Variants in SCAPER observed in about 807,000 individuals in gnomAD.
The protein encoded by SCAPER is S phase cyclin A-associated protein in the endoplasmic reticulum.
In SCAPER, 98 loss-of-function variants were observed where a neutral mutation model predicts 182.2. The observed-to-expected ratio is 0.54, with a 90% CI of 0.46 to 0.64. SCAPER has a LOEUF of 0.64. Among genes scored for constraint, SCAPER ranks in the 30% least tolerant of loss-of-function variants. SCAPER has a pLI of 0.00. For missense variants in SCAPER, 1,432 were observed against 1,690.0 expected, an observed-to-expected ratio of 0.85 and a Z score of 2.68; for synonymous variants, 605 against 564.6, an observed-to-expected ratio of 1.07 and a Z score of -1.01.
intron 1 of SCAPER, among the ~76,000 whole-genome samples, chr15:76,890,122 G>C (rs1405018911): frequency 6.6e-6 from 1 of 152,148 alleles, no homozygotes; most frequent in Non-Finnish European, 1.5e-5. Flanking sequence ...AAATCAATGA[G>C]AACAAAGACA....
rs773222733 is a variant in SCAPER, at chr15:76,804,592, T to A, written c.435A>T (p.Lys145Asn). ...MMLDNYVRDF[K>N]ALIDWIQLQE... is the part of the protein sequence containing the mutation. ...GAAGCTGAATCCAGTCAATCAATGCTTTGAAATCTCTTACATAGTTATCCA... is the reference window on the plus strand; with the variant it reads ...GAAGCTGAATCCAGTCAATCAATGCATTGAAATCTCTTACATAGTTATCCA... The change falls in exon 6 of 32, where the codon AAA (lysine) becomes AAT (asparagine). Residue 145 changes from lysine (K) to asparagine (N), a missense_variant. By Grantham distance (94) the Lys-to-Asn change is moderately conservative. Around this residue, in one of 5 missense-constraint regions of SCAPER, gnomAD observed 480 missense variants for 510.2 expected, o/e 0.94. Transcript: ENST00000563290. The A allele has an allele frequency of 4.3e-6, 7 of 1,611,654 alleles. No individual in the cohort carries two copies. In the African/African-American group the frequency reaches 9.3e-5, roughly 22 times the overall value.
At position 76,442,672 on chromosome 15, in the gene SCAPER, T is replaced by G. The variant is rs1346577758; in HGVS notation, c.3079-8362A>C. 2.0e-5 allele frequency among the ~76,000 whole-genome samples: 3 copies of G among 152,224 alleles called. No individual in the cohort carries two copies. The East Asian group carries it at 5.8e-4, about 29-fold the overall frequency. ...AGCTACCCTCCAGTATATCTATTAT[T>G]ATGCCTATTATGCAAATGAGAAAAC... On this transcript the variant is annotated intron_variant, in intron 25 of 31. Coordinates refer to ENST00000563290, the MANE Select transcript of SCAPER (RefSeq NM_020843.4).
chr15:76,735,203 GATAGAT>G (rs1256955914), intron 15 of SCAPER, among the ~76,000 whole-genome samples: 1 of 151,730 alleles, frequency 6.6e-6, no homozygotes, highest in African/African-American at 2.4e-5. Flanking sequence ...TATACAGATA[GATAGAT>G]ATAGATATAT....
In SCAPER at chr15:76,713,522, C is replaced by T. The variant is rs551979342; in HGVS notation, c.2166-7538G>A. Reference sequence around the variant, plus strand: ...GAAATCATCATTCTCAGCAAACTATCGCAAGGACAAAAAACCAAACACCGC... The same window carrying T: ...GAAATCATCATTCTCAGCAAACTATTGCAAGGACAAAAAACCAAACACCGC... On this transcript the variant is annotated intron_variant, in intron 17 of 31. Transcript: ENST00000563290. 6.9e-4 allele frequency among the ~76,000 whole-genome samples: 105 copies of T among 151,952 alleles called. 3 individuals carry two copies. The East Asian group carries it at 0.018, about 26-fold the overall frequency.
At chr15:76,475,333 AT>A (rs71143329) in intron 24 of SCAPER, among the ~76,000 whole-genome samples, 32 of 149,236 alleles carry the variant, frequency 2.1e-4, no homozygotes, top group African/African-American at 6.9e-4. Context: ...CTAGCCTTTA[AT>A]TTTTTTTTTT....
chr15:76,643,389 G>T (rs1292205901), intron 21 of SCAPER, among the ~76,000 whole-genome samples: 1 of 152,102 alleles, frequency 6.6e-6, no homozygotes, highest in East Asian at 1.9e-4. Flanking sequence ...TCTTTAGAAA[G>T]TCATCATTCT....
At chr15:76,849,690 C>T (rs954321464) in intron 4 of SCAPER, among the ~76,000 whole-genome samples, 6 of 152,236 alleles carry the variant, frequency 3.9e-5, no homozygotes, top group African/African-American at 1.2e-4. Flanking sequence ...GATCAATACA[C>T]TTAAGCACCA....
At chr15:76,490,475 T>C (rs1364271061) in intron 24 of SCAPER, among the ~76,000 whole-genome samples, 1 of 152,190 alleles carries the variant, frequency 6.6e-6, no homozygotes, top group Non-Finnish European at 1.5e-5. Context: ...TTTAAGTCCT[T>C]TGTCCATTTT....
At chr15:76,847,678 T>C (rs1034374083) in intron 4 of SCAPER, among the ~76,000 whole-genome samples, 1 of 152,166 alleles carries the variant, frequency 6.6e-6, no homozygotes, top group Non-Finnish European at 1.5e-5. Context: ...CTCAGCACTT[T>C]GGGGGACCAA....
chr15:76,597,491 G>A lies in SCAPER; in HGVS notation c.2712-23207C>T, dbSNP rs1314068512. ...ATGGAACCAAAAAAGAGCCTGTACA[G>A]CCAAGAGAATCCTAAGCAAAAAGAA... On this transcript the variant is annotated intron_variant, in intron 22 of 31. Coordinates refer to ENST00000563290, the MANE Select transcript of SCAPER (RefSeq NM_020843.4). Among the ~76,000 whole-genome samples the A allele has an allele frequency of 3.3e-5, 4 of 121,292 alleles. 1 individual carries two copies. Among genetic ancestry groups the A allele is most frequent in the Non-Finnish European group, 6.0e-5 (3 of 49,920 alleles). 79.6% of individuals were successfully genotyped at this position (121,292 alleles called of 152,430 possible).
intron 5 of SCAPER, among the ~76,000 whole-genome samples, chr15:76,813,227 TAAAAAAAAA>T (rs746891532): frequency 1.7e-4 from 3 of 17,284 alleles, no homozygotes; most frequent in Admixed American, 6.9e-4. Flanking sequence ...ATCCTTTCAC[TAAAAAAAAA>T]AAAAAAAAAA....
intron 22 of SCAPER, among the ~76,000 whole-genome samples, chr15:76,589,856 T>C (rs1408981358): frequency 1.3e-5 from 2 of 152,194 alleles, no homozygotes; most frequent in Non-Finnish European, 2.9e-5. Context: ...CCACAGGGTT[T>C]CTGCCGTGGC....
intron 4 of SCAPER, among the ~76,000 whole-genome samples, chr15:76,853,909 T>C (rs1183153060): frequency 6.6e-6 from 1 of 152,226 alleles, no homozygotes; most frequent in Non-Finnish European, 1.5e-5. Flanking sequence ...TCTATGTATC[T>C]AGAAAACCCA....
chr15:76,842,243 A>G (rs2069551316), intron 4 of SCAPER, among the ~76,000 whole-genome samples: 1 of 152,168 alleles, frequency 6.6e-6, no homozygotes, highest in Admixed American at 6.5e-5. Context: ...AAACATTCTG[A>G]TATCCATGGG....
chr15:76,431,362 A>G (rs2046845790), intron 26 of SCAPER, among the ~76,000 whole-genome samples: 1 of 152,164 alleles, frequency 6.6e-6, no homozygotes, highest in Non-Finnish European at 1.5e-5. Flanking sequence ...AAATATTTCC[A>G]AGAATGGCTT....
intron 24 of SCAPER, among the ~76,000 whole-genome samples, chr15:76,481,027 G>A (rs866157550): frequency 6.6e-6 from 1 of 152,156 alleles, no homozygotes; most frequent in East Asian, 1.9e-4. Flanking sequence ...CACCGCGCCC[G>A]GCCCACTATT....
At chr15:76,593,825 C>A (rs1374338099) in intron 22 of SCAPER, among the ~76,000 whole-genome samples, 2 of 120,996 alleles carry the variant, frequency 1.7e-5, no homozygotes, top group African/African-American at 5.0e-5. Context: ...CGAAGGTCAC[C>A]AACATCAAAG....
intron 5 of SCAPER, 103 bp from the exon 6 acceptor site, chr15:76,804,736 T>C (rs966869317): frequency 2.8e-5 from 17 of 605,292 alleles, no homozygotes; most frequent in African/African-American, 1.9e-4. Context: ...TTTTACATTA[T>C]ACTCTTCAAT....
chr15:76,838,751 T>C (rs963764869), intron 5 of SCAPER, among the ~76,000 whole-genome samples: 1 of 152,140 alleles, frequency 6.6e-6, no homozygotes, highest in Admixed American at 6.5e-5. Flanking sequence ...CCCAGCATGT[T>C]TTCCCCCAAA....
Sources: gnomAD v4.1 joint callset for allele counts (sites outside exome capture counted in the v4.1 genomes callset) on GRCh38, gnomAD v4.1.1 for gene constraint, gnomAD v4.1.1 regional missense constraint, MANE v1.5 for transcripts, NCBI Gene and HGNC (gene_info 2026-07-23, HGNC 2026-07-21) for gene names.